CSGALNACT1: variants seen among roughly 807,000 people sequenced by gnomAD.
The protein encoded by CSGALNACT1 is beta4GalNAcT-1.
A neutral mutation model predicts 51.0 loss-of-function variants in CSGALNACT1; 52 were observed. The ratio of observed to expected loss-of-function variants is 1.02; its 90% CI spans 0.82 to 1.29. The LOEUF is 1.29. Ranked by LOEUF, CSGALNACT1 falls within the 50% of genes most tolerant of loss-of-function variation. The probability of loss-of-function intolerance (pLI) is 0.00; values close to 1 mark genes in which losing one functional copy is unlikely to be tolerated. For missense variants in CSGALNACT1, 935 were observed against 679.2 expected (o/e 1.38, Z -4.19); for synonymous variants, 341 against 254.4 (o/e 1.34, Z -3.24).
At chr8:19,725,517 C>T (rs113255177) in intron 1 of CSGALNACT1, among the ~76,000 whole-genome samples, 28,858 of 150,540 alleles carry the variant, frequency 0.19, 3,512 homozygotes, top group African/African-American at 0.34. Flanking sequence ...CTCTGCCTTC[C>T]GGTTTCAAGC....
intron 1 of CSGALNACT1, among the ~76,000 whole-genome samples, chr8:19,748,261 G>A (rs2064805957): frequency 6.6e-6 from 1 of 152,134 alleles, no homozygotes; most frequent in Admixed American, 6.5e-5. Context: ...TCCTTTAACA[G>A]CAAGTTCTAG....
At chr8:19,747,925 A>G (rs565522364) in intron 1 of CSGALNACT1, among the ~76,000 whole-genome samples, 3 of 152,348 alleles carry the variant, frequency 2.0e-5, no homozygotes, top group Admixed American at 6.5e-5. Context: ...TAGTTAAAAG[A>G]TGAAAGAAAT....
chr8:19,677,351 T>C (rs11204063), intron 1 of CSGALNACT1, among the ~76,000 whole-genome samples: 53,747 of 152,058 alleles, frequency 0.35, 10,189 homozygotes, highest in Middle Eastern at 0.48. Flanking sequence ...CCTCAAGTCA[T>C]CCTCCCACCT....
intron 1 of CSGALNACT1, among the ~76,000 whole-genome samples, chr8:19,610,089 G>A (rs1418540522): frequency 1.3e-5 from 2 of 151,578 alleles, no homozygotes; most frequent in African/African-American, 2.4e-5. Flanking sequence ...GGGCGTGGTT[G>A]AGGGTGCCTG....
chr8:19,633,666 G>T (rs371776873), intron 1 of CSGALNACT1, among the ~76,000 whole-genome samples: 70 of 152,276 alleles, frequency 4.6e-4, no homozygotes, highest in African/African-American at 1.6e-3. Flanking sequence ...AGGGAGAATT[G>T]CCCTCCAGAC....
chr8:19,530,081 G>A (rs1052363485), intron 3 of CSGALNACT1, among the ~76,000 whole-genome samples: 1 of 151,972 alleles, frequency 6.6e-6, no homozygotes, highest in East Asian at 1.9e-4. Flanking sequence ...AATTAGCCAG[G>A]CATAGTGGTG....
In CSGALNACT1 at chr8:19,420,532, C is replaced by G. The variant is rs368855150; in HGVS notation, c.954-14G>C. On this transcript the variant is annotated splice_polypyrimidine_tract_variant and intron_variant, in intron 6 of 9. Coordinates refer to ENST00000454498, the Ensembl canonical transcript of CSGALNACT1. Reference sequence around the variant, plus strand: ...AAGTTGGCAGCTCTGAAAGGCAAGACCAGGTACTGTCACTCACATTCCCAC... The same window carrying G: ...AAGTTGGCAGCTCTGAAAGGCAAGAGCAGGTACTGTCACTCACATTCCCAC... 1.2e-6 allele frequency: 2 copies of G among 1,612,926 alleles called. No individual in the cohort carries two copies. Among genetic ancestry groups the G allele is most frequent in the African/African-American group, 1.3e-5 (1 of 74,864 alleles).
upstream of CSGALNACT1, among the ~76,000 whole-genome samples, chr8:19,606,973 G>C (rs1588988273): frequency 6.6e-6 from 1 of 152,144 alleles, no homozygotes; most frequent in Admixed American, 6.5e-5. Context: ...GGCTAATACG[G>C]GGAAACCCTG....
chr8:19,479,466 T>G (rs1285780136), intron 4 of CSGALNACT1, among the ~76,000 whole-genome samples: 1 of 152,242 alleles, frequency 6.6e-6, no homozygotes, highest in African/African-American at 2.4e-5. Flanking sequence ...CTGTGGTTAT[T>G]CTTTTTCTTT....
intron 1 of CSGALNACT1, among the ~76,000 whole-genome samples, chr8:19,666,909 G>A (rs1224201682): frequency 7.2e-6 from 1 of 139,536 alleles, no homozygotes; most frequent in Non-Finnish European, 1.5e-5. Flanking sequence ...GAGGAAGGGA[G>A]GAAGGGAGGA....
At chr8:19,527,778 G>T (rs1163497423) in intron 3 of CSGALNACT1, among the ~76,000 whole-genome samples, 1 of 152,120 alleles carries the variant, frequency 6.6e-6, no homozygotes, top group East Asian at 1.9e-4. Context: ...TATCAAATTT[G>T]GGGAGGAGAT....
chr8:19,449,600 C>CA (rs1417987851), intron 5 of CSGALNACT1, among the ~76,000 whole-genome samples: 1 of 151,774 alleles, frequency 6.6e-6, no homozygotes, highest in Non-Finnish European at 1.5e-5. Flanking sequence ...GGTTCTAGGC[C>CA]AAAAAAATGA....
chr8:19,643,805 T>G (rs1199510099), intron 1 of CSGALNACT1, among the ~76,000 whole-genome samples: 1 of 152,224 alleles, frequency 6.6e-6, no homozygotes, highest in East Asian at 1.9e-4. Flanking sequence ...TGGAGAATAT[T>G]GAGTCCAGGC....
rs1281978434 is a variant in CSGALNACT1, at chr8:19,561,515, T to C, written c.-297+29645A>G. Among the ~76,000 whole-genome samples, 3 of 149,448 alleles carry C rather than the reference T, an allele frequency of 2.0e-5. 1 individual carries two copies. Among genetic ancestry groups the C allele is most frequent in the Non-Finnish European group, 4.4e-5 (3 of 67,848 alleles). The stretch of plus-strand genomic sequence containing the variant: ...CTTCACTTGCAAGCCCTCTGCTCTA[T>C]CCCAGATCCTGTGAAAAAATTCAAA... On this transcript the variant is annotated intron_variant, in intron 3 of 9. Transcript: ENST00000454498.
chr8:19,538,321 T>C (rs1490530803), intron 3 of CSGALNACT1, among the ~76,000 whole-genome samples: 1 of 151,856 alleles, frequency 6.6e-6, no homozygotes, highest in East Asian at 1.9e-4. Context: ...AGATCCTGTC[T>C]GAAAAGGGAA....
At chr8:19,680,412 C>T (rs1220593731) in intron 1 of CSGALNACT1, among the ~76,000 whole-genome samples, 1 of 152,020 alleles carries the variant, frequency 6.6e-6, no homozygotes, top group South Asian at 2.1e-4. Flanking sequence ...AAAAATCAGC[C>T]GGGTGTGGTG....
intron 3 of CSGALNACT1, among the ~76,000 whole-genome samples, chr8:19,521,020 A>C (rs2154029959): frequency 6.6e-6 from 1 of 152,316 alleles, no homozygotes; most frequent in East Asian, 1.9e-4. Flanking sequence ...GAAATGCAGA[A>C]TGCCCTTTCA....
At chr8:19,683,807 ATT>A (rs367931238), upstream of CSGALNACT1, among the ~76,000 whole-genome samples, 13 of 148,850 alleles carry the variant, frequency 8.7e-5, no homozygotes, top group Non-Finnish European at 1.5e-4. Flanking sequence ...TCAAGAAAGT[ATT>A]TTTTTTTTTA....
At chr8:19,555,567 A>T (rs2089510274) in intron 3 of CSGALNACT1, among the ~76,000 whole-genome samples, 1 of 152,052 alleles carries the variant, frequency 6.6e-6, no homozygotes, top group South Asian at 2.1e-4. Flanking sequence ...AAAAATAAAC[A>T]AACAAAAAAA....
Sources: gnomAD v4.1 joint callset for allele counts (sites outside exome capture counted in the v4.1 genomes callset) on GRCh38, gnomAD v4.1.1 for gene constraint, MANE v1.5 for transcripts, NCBI Gene and HGNC (gene_info 2026-07-23, HGNC 2026-07-21) for gene names.